Variants in UPF3A observed in about 807,000 individuals in gnomAD.
UPF3A encodes regulator of nonsense transcripts 3A.
A neutral mutation model predicts 53.5 loss-of-function variants in UPF3A; 42 were observed. The ratio of observed to expected loss-of-function variants is 0.78; its 90% confidence interval spans 0.61 to 1.01. The LOEUF is 1.01. UPF3A is among the 50% of genes least tolerant of loss of function. The probability of loss-of-function intolerance (pLI) is 0.00; values close to 1 mark genes in which losing one functional copy is unlikely to be tolerated. For synonymous variants in UPF3A, 237 were observed against 225.3 expected (o/e 1.05, Z -0.47); for missense variants, 575 against 598.0 (o/e 0.96, Z 0.40).
intron 9 of UPF3A, among the ~76,000 whole-genome samples, chr13:114,303,730 G>A (rs2086796954): frequency 1.3e-5 from 2 of 152,072 alleles, no homozygotes; most frequent in Non-Finnish European, 1.5e-5. Context: ...AGGTTGCAGC[G>A]AGCCCAGATT....
intron 3 of UPF3A, chr13:114,283,395 TG>T (rs1437788471): frequency 3.3e-5 from 5 of 152,456 alleles, no homozygotes; most frequent in African/African-American, 1.2e-4. Context: ...TGTAATTATG[TG>T]CAGATATTAA....
chr13:114,284,195 C>T (rs1055550499), intron 3 of UPF3A: 1 of 436,004 alleles, frequency 2.3e-6, no homozygotes, highest in Non-Finnish European at 3.0e-6. Flanking sequence ...AACCCTGTCT[C>T]TACTAAAAAT....
At chr13:114,300,541 G>T (rs9645937) in intron 8 of UPF3A, among the ~76,000 whole-genome samples, 1 of 147,366 alleles carries the variant, frequency 6.8e-6, no homozygotes, top group African/African-American at 2.5e-5. Context: ...GCTAATTTTT[G>T]TTTTTTTTTT....
At chr13:114,291,350 C>T (rs1000120348) in intron 5 of UPF3A, 139 bp from the exon 6 acceptor site, 2 of 771,550 alleles carry the variant, frequency 2.6e-6, no homozygotes, top group Non-Finnish European at 3.8e-6. Context: ...GGAATAAAAA[C>T]TCCCCTGGAG....
In UPF3A at chr13:114,301,843, G is replaced by A. The variant is rs374285151; in HGVS notation, c.1120G>A (p.Glu374Lys). The change falls in exon 9 of 10, where the codon GAG becomes AAG. Residue 374 changes from glutamate to lysine, a missense_variant. By Grantham distance (56) the Glu-to-Lys change is moderately conservative. Transcript: ENST00000375299. The part of the protein sequence containing the change: ...DDGRRHRAHH[E>K]PERLSRRSED... ...CGGCAGGAGGCACAGAGCTCACCAC[G>A]AGCCTGAACGGCTTTCCAGAAGGAG... 2.2e-5 allele frequency: 35 copies of A among 1,613,452 alleles called. No homozygotes were observed. The highest frequency in any genetic ancestry group is 1.3e-4 in the East Asian group (6 of 44,872).
At chr13:114,301,269 A>T (rs2086578561) in intron 8 of UPF3A, among the ~76,000 whole-genome samples, 2 of 152,002 alleles carry the variant, frequency 1.3e-5, no homozygotes, top group African/African-American at 4.8e-5. Context: ...AGACCATCCT[A>T]ACTAACACAG....
chr13:114,300,968 A>G (rs1259176921), intron 8 of UPF3A, among the ~76,000 whole-genome samples: 4 of 144,920 alleles, frequency 2.8e-5, no homozygotes, highest in African/African-American at 1.1e-4. Context: ...ATGCCACCAC[A>G]CCTGGCTAAT....
intron 2 of UPF3A, 32 bp from the exon 3 acceptor site, chr13:114,282,805 C>G (rs769435260): frequency 6.3e-6 from 10 of 1,582,270 alleles, no homozygotes; most frequent in Admixed American, 1.7e-5. Context: ...GTATTTTTCA[C>G]TGACCATTTT....
At chr13:114,289,583 G>C (rs1274076662) in intron 5 of UPF3A, among the ~76,000 whole-genome samples, 1 of 151,040 alleles carries the variant, frequency 6.6e-6, no homozygotes, top group Admixed American at 6.6e-5. Flanking sequence ...TCTTTTCTAA[G>C]CTTTTGGCCT....
intron 7 of UPF3A, among the ~76,000 whole-genome samples, chr13:114,296,343 C>G (rs2086017299): frequency 6.6e-6 from 1 of 152,128 alleles, no homozygotes; most frequent in Non-Finnish European, 1.5e-5. Context: ...GATCGCGTCA[C>G]TGCAGTCTAG....
intron 7 of UPF3A, among the ~76,000 whole-genome samples, chr13:114,295,125 A>AG (rs1453216735): frequency 6.6e-6 from 1 of 151,700 alleles, no homozygotes; most frequent in African/African-American, 2.4e-5. Flanking sequence ...AAAAAAAAAA[A>AG]AAAGAAAAGA....
intron 8 of UPF3A, among the ~76,000 whole-genome samples, chr13:114,300,540 T>TG (rs553598877): frequency 2.1e-3 from 265 of 124,638 alleles, no homozygotes; most frequent in African/African-American, 9.9e-3. Context: ...GGCTAATTTT[T>TG]GTTTTTTTTT....
At chr13:114,291,928 T>G in intron 7 of UPF3A, 136 bp downstream of exon 7, 1 of 1,195,110 alleles carries the variant, frequency 8.4e-7, no homozygotes, top group Non-Finnish European at 1.1e-6. Flanking sequence ...TTTTTCCATC[T>G]TTTCCATCTT....
chr13:114,281,885 A>G (rs755126447), intron 1 of UPF3A, 39 bp downstream of exon 1: 177 of 1,126,724 alleles, frequency 1.6e-4, no homozygotes, highest in Non-Finnish European at 2.5e-5. Context: ...TCGCGAGGAG[A>G]GGACGGCCCT....
chr13:114,291,295 G>A (rs1363637713), intron 5 of UPF3A, among the ~76,000 whole-genome samples, 194 bp from the exon 6 acceptor site: 1 of 152,170 alleles, frequency 6.6e-6, no homozygotes, highest in African/African-American at 2.4e-5. Context: ...TGTCTACTAT[G>A]TATGAAATTG....
intron 5 of UPF3A, 27 bp from the exon 6 acceptor site, chr13:114,291,462 T>A: frequency 6.4e-7 from 1 of 1,562,570 alleles, no homozygotes; most frequent in East Asian, 2.2e-5. Context: ...AGGAGTTAAA[T>A]ACAATATTAC....
At position 114,301,788 on chromosome 13, in the gene UPF3A, A is replaced by C. The variant is rs1221243845; in HGVS notation, c.1065A>C (p.Glu355Asp). ...ATGTGGAGAGATCTCAAGAACAAGA[A>C]TCTGAAGCACAAAGATACCATGTGG... ...HRDVERSQEQ[E>D]SEAQRYHVDD... The change falls in exon 9 of 10, where the codon GAA (glutamate) becomes GAC (aspartate). Residue 355 changes from glutamate (E) to aspartate (D), a missense_variant. Around this residue, in one of 2 missense-constraint regions of UPF3A, gnomAD observed 323 missense variants for 415.2 expected, o/e 0.78. Transcript: ENST00000375299. 6 of 1,613,876 alleles carry C rather than the reference A, an allele frequency of 3.7e-6. No homozygotes were observed. Among genetic ancestry groups the C allele is most frequent in the Non-Finnish European group, 5.1e-6 (6 of 1,179,894 alleles).
Position 114,282,034 on chromosome 13 carries a change from G to T in UPF3A, c.221G>T (p.Arg74Leu). 1.3e-6 allele frequency: 2 copies of T among 1,560,566 alleles called. No individual in the cohort carries two copies. Among genetic ancestry groups the T allele is most frequent in the Non-Finnish European group, 1.7e-6 (2 of 1,154,662 alleles). ...RTALSKVVIR[R>L]LPPGLTKEQL... ...CGCTCCCCGCAGGTGGTCATCCGCC[G>T]CCTGCCTCCGGGCCTCACCAAGGAG... Residue 74 changes from arginine (R) to leucine (L), a missense_variant, in exon 2 of 10, where the codon CGC becomes CTC. By Grantham distance (102) the Arg-to-Leu change is moderately radical. Coordinates refer to ENST00000375299, the MANE Select transcript of UPF3A (RefSeq NM_023011.4).
In UPF3A at chr13:114,298,828, G is replaced by T; in HGVS notation, c.847-12G>T. On this transcript the variant is annotated splice_polypyrimidine_tract_variant and intron_variant, in intron 7 of 9. Transcript: ENST00000375299. ...CTCAAGGTGATACTTTACTAACATT[G>T]TAATTTCTCAGCTTCTTAAGAAACC... 6.5e-7 allele frequency: 1 copy of T among 1,545,670 alleles called. No individual in the cohort carries two copies. Among genetic ancestry groups the T allele is most frequent in the Non-Finnish European group, 8.7e-7 (1 of 1,151,782 alleles).
Sources: gnomAD v4.1 joint callset for allele counts (sites outside exome capture counted in the v4.1 genomes callset) on GRCh38, gnomAD v4.1.1 for gene constraint, gnomAD v4.1.1 regional missense constraint, MANE v1.5 for transcripts, NCBI Gene and HGNC (gene_info 2026-07-23, HGNC 2026-07-21) for gene names.